BANP: variants seen among roughly 807,000 people sequenced by gnomAD.
The protein encoded by BANP is protein BANP.
A neutral mutation model predicts 68.1 loss-of-function variants in BANP; 11 were observed. That is an observed-to-expected ratio of 0.16 (90% CI 0.10 to 0.27). BANP has a LOEUF of 0.27. Among genes scored for constraint, BANP ranks in the 10% least tolerant of loss-of-function variants. The pLI, the probability that BANP is intolerant of heterozygous loss-of-function variation, is 1.00. For missense variants in BANP, 504 were observed against 722.7 expected (o/e 0.70, Z 3.47); for synonymous variants, 329 against 303.2 (o/e 1.09, Z -0.88).
chr16:88,071,218 G>A lies in BANP; in HGVS notation c.1378-851G>A. On this transcript the variant is annotated intron_variant, in intron 12 of 13. Coordinates refer to ENST00000682872, the MANE Select transcript of BANP (RefSeq NM_001386991.1). The surrounding 1 kb of genome is among the most constrained non-coding windows in gnomAD (Gnocchi z 6.5). ...GTGGAGGTGTGGGATGCATCTCCTG[G>A]CCCTCCCGTAGTGGGGTGCAACCCC... 1 of 346,372 alleles carries A rather than the reference G, an allele frequency of 2.9e-6. No individual in the cohort carries two copies. The highest frequency in any genetic ancestry group is 5.7e-6 in the Non-Finnish European group (1 of 176,026). 21.5% of individuals were successfully genotyped at this position (346,372 alleles called of 1,614,324 possible).
At chr16:88,038,949 C>T (rs774847855) in intron 11 of BANP, among the ~76,000 whole-genome samples, 2 of 152,208 alleles carry the variant, frequency 1.3e-5, no homozygotes, top group Non-Finnish European at 2.9e-5. Context: ...CACTGTCCTT[C>T]GAGAAACCTG....
intron 12 of BANP, among the ~76,000 whole-genome samples, chr16:88,069,042 C>T (rs1022064299): frequency 6.6e-6 from 1 of 152,104 alleles, no homozygotes; most frequent in Admixed American, 6.5e-5. Flanking sequence ...AGCTCCAGCC[C>T]CAGGCCCAGA....
At chr16:88,052,182 G>C (rs907991381) in intron 11 of BANP, among the ~76,000 whole-genome samples, 15 of 152,156 alleles carry the variant, frequency 9.9e-5, no homozygotes, top group African/African-American at 3.6e-4. Flanking sequence ...ACACAAGAAA[G>C]ATACGTAAGA....
intron 12 of BANP, among the ~76,000 whole-genome samples, chr16:88,067,444 G>A (rs956215336): frequency 5.9e-5 from 9 of 152,096 alleles, no homozygotes; most frequent in African/African-American, 1.7e-4. Context: ...ACCCTGCTGC[G>A]TGCCCCCGCC....
chr16:88,066,954 G>T (rs1441780691), intron 12 of BANP, among the ~76,000 whole-genome samples: 1 of 152,246 alleles, frequency 6.6e-6, no homozygotes, highest in African/African-American at 2.4e-5. Flanking sequence ...ATCGGCCGGG[G>T]CACATTGCCA....
chr16:88,074,068 C>T (rs3936121), intron 13 of BANP, among the ~76,000 whole-genome samples: 40,235 of 152,186 alleles, frequency 0.26, 6,428 homozygotes, highest in Non-Finnish European at 0.38. Context: ...AAGGGCCCAG[C>T]TCTCTGCCTT....
chr16:88,055,964 G>C (rs973489604), intron 11 of BANP, among the ~76,000 whole-genome samples: 1 of 152,218 alleles, frequency 6.6e-6, no homozygotes, highest in African/African-American at 2.4e-5. Context: ...GTTTGGTGTT[G>C]ACTAGTCCCA....
intron 1 of BANP, chr16:87,956,922 CAGAG>C (rs2058169019): frequency 2.0e-5 from 3 of 152,238 alleles, no homozygotes; most frequent in African/African-American, 7.2e-5. Flanking sequence ...CCGTAAGTCT[CAGAG>C]AGAGGAGCAC....
intron 9 of BANP, chr16:88,034,927 C>T (rs1202709428): frequency 1.3e-5 from 2 of 159,132 alleles, no homozygotes; most frequent in Non-Finnish European, 2.8e-5. Context: ...TTTCAGATTA[C>T]ATACTCTTCT....
rs770421375 is a variant in BANP, at chr16:88,076,915, C to T, written c.*254C>T. On this transcript the variant is annotated 3_prime_UTR_variant, in exon 14 of 14. Coordinates refer to ENST00000682872, the MANE Select transcript of BANP (RefSeq NM_001386991.1). ...ACGAGGGGAGGCACGGTGCGGAGAG[C>T]GTCGCATATGCGCGGGAAATCAAGA... The T allele has an allele frequency of 6.4e-6, 3 of 467,338 alleles. No homozygotes were observed. The highest frequency in any genetic ancestry group is 2.0e-5 in the African/African-American group (1 of 50,254). 28.9% of individuals were successfully genotyped at this position (467,338 alleles called of 1,614,324 possible).
chr16:88,048,851 C>T (rs546480930), intron 11 of BANP, among the ~76,000 whole-genome samples: 3 of 150,624 alleles, frequency 2.0e-5, no homozygotes, highest in Admixed American at 6.7e-5. Context: ...TTCTCGGTAT[C>T]GAATTGGCGC....
intron 2 of BANP, among the ~76,000 whole-genome samples, chr16:87,977,418 C>CA (rs56077067): frequency 1.0e-3 from 146 of 140,828 alleles, no homozygotes; most frequent in East Asian, 9.0e-3. Flanking sequence ...GACTCCGTCT[C>CA]AAAAAAAAAA....
intron 11 of BANP, among the ~76,000 whole-genome samples, chr16:88,048,215 C>T (rs2082435541): frequency 6.6e-6 from 1 of 152,194 alleles, no homozygotes; most frequent in Non-Finnish European, 1.5e-5. Flanking sequence ...TGCTATGGTT[C>T]TGATTAATTT....
intron 3 of BANP, among the ~76,000 whole-genome samples, chr16:87,981,923 G>A (rs1035802430): frequency 3.3e-5 from 5 of 152,156 alleles, no homozygotes; most frequent in African/African-American, 7.2e-5. Context: ...GGTAAATATC[G>A]GCACATGTGA....
chr16:87,975,649 G>T (rs574326354), intron 2 of BANP, among the ~76,000 whole-genome samples: 36 of 150,496 alleles, frequency 2.4e-4, no homozygotes, highest in African/African-American at 3.2e-4. Flanking sequence ...TTACCATGTT[G>T]TGTGTGTAAT....
At chr16:88,075,711 A>G (rs1599200742) in intron 13 of BANP, among the ~76,000 whole-genome samples, 1 of 146,594 alleles carries the variant, frequency 6.8e-6, no homozygotes, top group Non-Finnish European at 1.5e-5. Flanking sequence ...CTGGAGGATG[A>G]GTGACTTATT....
chr16:88,034,036 C>T (rs1374595211), intron 9 of BANP, among the ~76,000 whole-genome samples: 1 of 152,210 alleles, frequency 6.6e-6, no homozygotes, highest in Non-Finnish European at 1.5e-5. Context: ...GCCTCCGTGT[C>T]ACCAGGGCTT....
At chr16:88,017,534 A>C (rs912366488) in intron 6 of BANP, 3 of 152,308 alleles carry the variant, frequency 2.0e-5, no homozygotes, top group Non-Finnish European at 4.4e-5. Flanking sequence ...GCCGTTACAC[A>C]GAGAAGGAAT....
intron 7 of BANP, among the ~76,000 whole-genome samples, chr16:88,021,316 G>A (rs370223602): frequency 5.3e-4 from 80 of 152,310 alleles, no homozygotes; most frequent in Non-Finnish European, 1.0e-3. Context: ...TCATTCTGCT[G>A]GAAGTCCCTC....
Sources: gnomAD v4.1 joint callset for allele counts (sites outside exome capture counted in the v4.1 genomes callset) on GRCh38, gnomAD v4.1.1 for gene constraint, Gnocchi (gnomAD v3.1) non-coding constraint, MANE v1.5 for transcripts, NCBI Gene and HGNC (gene_info 2026-07-23, HGNC 2026-07-21) for gene names.